The following ARB2A variants were observed in gnomAD, a reference collection of about 807,000 sequenced individuals.
ARB2A encodes cotranscriptional regulator ARB2A.
At chr5:93,981,318 C>T in the ARB2A span, among the ~76,000 whole-genome samples, 2 of 152,024 alleles carry the variant, frequency 1.3e-5, no homozygotes, top group African/African-American at 4.8e-5. Flanking sequence ...ATTCACCCAC[C>T]TTAGCCTCCC....
At chr5:93,999,268 G>A in the ARB2A span, among the ~76,000 whole-genome samples, 4 of 151,604 alleles carry the variant, frequency 2.6e-5, no homozygotes, top group Non-Finnish European at 4.4e-5. Flanking sequence ...GTTCTCACAC[G>A]TAGCAGCAAA....
chr5:94,089,592 T>TAC, the ARB2A span, among the ~76,000 whole-genome samples: 5 of 79,812 alleles, frequency 6.3e-5, no homozygotes, highest in East Asian at 4.0e-4. Flanking sequence ...TAAAACCGTT[T>TAC]ATACACACAC....
chr5:93,678,160 T>C, the ARB2A span, among the ~76,000 whole-genome samples: 3 of 152,332 alleles, frequency 2.0e-5, no homozygotes, highest in East Asian at 1.9e-4. Context: ...CAATACTGTT[T>C]GTTATACAGA....
chr5:93,958,285 G>A, the ARB2A span, among the ~76,000 whole-genome samples: 8 of 151,920 alleles, frequency 5.3e-5, no homozygotes, highest in African/African-American at 1.2e-4. Context: ...TTAAAGAAAC[G>A]ACAAAAAAAT....
chr5:94,048,874 C>A, the ARB2A span, among the ~76,000 whole-genome samples: 8 of 152,136 alleles, frequency 5.3e-5, no homozygotes, highest in African/African-American at 1.9e-4. Context: ...AAAAGATGAT[C>A]CAGAGCAAAA....
At chr5:93,628,822 T>C in the ARB2A span, among the ~76,000 whole-genome samples, 1 of 152,246 alleles carries the variant, frequency 6.6e-6, no homozygotes, top group African/African-American at 2.4e-5. Flanking sequence ...TGGAATGTTA[T>C]GGCTTGTTTG....
the ARB2A span, among the ~76,000 whole-genome samples, chr5:94,106,094 T>A: frequency 2.6e-5 from 4 of 151,468 alleles, no homozygotes; most frequent in Admixed American, 6.6e-5. Flanking sequence ...ATATGAAGAC[T>A]CCAAAAGCAA....
At chr5:93,830,038 G>C in the ARB2A span, among the ~76,000 whole-genome samples, 1 of 151,910 alleles carries the variant, frequency 6.6e-6, no homozygotes, top group East Asian at 1.9e-4. Context: ...TCAAACTTTT[G>C]AGAGTGAAGA....
the ARB2A span, among the ~76,000 whole-genome samples, chr5:94,065,747 A>G: frequency 6.6e-6 from 1 of 152,230 alleles, no homozygotes; most frequent in African/African-American, 2.4e-5. Flanking sequence ...TATTAGATCT[A>G]AAGAGAAAGA....
the ARB2A span, among the ~76,000 whole-genome samples, chr5:93,686,594 A>C: frequency 6.6e-6 from 1 of 152,098 alleles, no homozygotes; most frequent in South Asian, 2.1e-4. Flanking sequence ...TTTTGTTTTC[A>C]CTTCTCAACC....
At chr5:93,877,285 C>T in the ARB2A span, among the ~76,000 whole-genome samples, 1 of 152,148 alleles carries the variant, frequency 6.6e-6, no homozygotes. Flanking sequence ...TTTGCCTATA[C>T]TCTACACATA....
At chr5:93,768,768 G>C in the ARB2A span, among the ~76,000 whole-genome samples, 452 of 152,014 alleles carry the variant, frequency 3.0e-3, 4 homozygotes, top group African/African-American at 0.011. Flanking sequence ...TTATTTAGTG[G>C]AGATGAGGTC....
chr5:93,864,226 G>C, the ARB2A span, among the ~76,000 whole-genome samples: 1 of 152,092 alleles, frequency 6.6e-6, no homozygotes, highest in African/African-American at 2.4e-5. Context: ...AAGGTTAAGT[G>C]CAATTATTAA....
At chr5:93,781,017 C>G in the ARB2A span, among the ~76,000 whole-genome samples, 1 of 152,082 alleles carries the variant, frequency 6.6e-6, no homozygotes, top group Non-Finnish European at 1.5e-5. Context: ...TTTATCACAT[C>G]CTTTCTTTTT....
chr5:94,044,718 G>C, the ARB2A span, among the ~76,000 whole-genome samples: 1 of 151,968 alleles, frequency 6.6e-6, no homozygotes, highest in African/African-American at 2.4e-5. Context: ...CAAGATACAG[G>C]TCATAAAGAC....
At chr5:93,865,313 C>A in the ARB2A span, 1 of 711,208 alleles carries the variant, frequency 1.4e-6, no homozygotes, top group South Asian at 6.3e-5. Flanking sequence ...GATCTCCTGA[C>A]CTTGTGATCC....
At chr5:93,785,881 T>C in the ARB2A span, among the ~76,000 whole-genome samples, 1 of 152,192 alleles carries the variant, frequency 6.6e-6, no homozygotes, top group Non-Finnish European at 1.5e-5. Context: ...TGCTACCTTC[T>C]TCTAGATTTT....
the ARB2A span, among the ~76,000 whole-genome samples, chr5:93,883,918 TACACATACACACACAC>T: frequency 2.9e-5 from 2 of 68,326 alleles, no homozygotes; most frequent in African/African-American, 1.1e-4. Context: ...CACATACACA[TACACATACACACACAC>T]ACACACACAC....
the ARB2A span, chr5:93,805,820 T>C: frequency 1.0e-6 from 1 of 985,170 alleles, no homozygotes; most frequent in Non-Finnish European, 1.2e-6. Context: ...GATCTCCTGT[T>C]GCACCATACA....
Sources: gnomAD v4.1 joint callset for allele counts (sites outside exome capture counted in the v4.1 genomes callset) on GRCh38, gnomAD v4.1.1 for gene constraint, MANE v1.5 for transcripts, NCBI Gene and HGNC (gene_info 2026-07-23, HGNC 2026-07-21) for gene names.